The following THSD7B variants were observed in gnomAD, a reference collection of about 807,000 sequenced individuals.
THSD7B encodes the protein thrombospondin type 1 domain containing 7B.
A neutral mutation model predicts 213.6 loss-of-function variants in THSD7B; 138 were observed. The ratio of observed to expected loss-of-function variants is 0.65; its 90% confidence interval spans 0.56 to 0.74. The LOEUF (loss-of-function observed/expected upper bound fraction) is 0.74. Ranked by LOEUF, THSD7B falls within the 30% of genes least tolerant of loss-of-function variation. The probability of loss-of-function intolerance (pLI) is 0.00; values close to 1 mark genes in which losing one functional copy is unlikely to be tolerated. For synonymous variants in THSD7B, 742 were observed against 687.0 expected (o/e 1.08, Z -1.25); for missense variants, 1,931 against 1,991.5 (o/e 0.97, Z 0.58).
intron 12 of THSD7B, among the ~76,000 whole-genome samples, chr2:137,400,460 A>G (rs993269324): frequency 6.6e-6 from 1 of 152,086 alleles, no homozygotes; most frequent in Admixed American, 6.5e-5. Context: ...TTCTGGGTAC[A>G]TGTAGTGGCA....
intron 12 of THSD7B, among the ~76,000 whole-genome samples, chr2:137,371,185 A>T (rs2104949615): frequency 6.6e-6 from 1 of 152,190 alleles, no homozygotes; most frequent in Middle Eastern, 3.4e-3. Flanking sequence ...TCCCTTAAAC[A>T]TTATTCTGTC....
rs1266558495 is a variant in THSD7B, at chr2:136,834,903, T to C, written c.-35-47241T>C. 2.0e-5 allele frequency among the ~76,000 whole-genome samples: 3 copies of C among 152,220 alleles called. No homozygotes were observed. The East Asian group carries it at 5.8e-4, about 29-fold the overall frequency. Reference sequence around the variant, plus strand: ...ACAATAGAATGGTTTAAATAATTAATGAAATAAGGTTGGATGTAAATGTTC... The same window carrying C: ...ACAATAGAATGGTTTAAATAATTAACGAAATAAGGTTGGATGTAAATGTTC... On this transcript the variant is annotated intron_variant, in intron 1 of 27. Coordinates refer to ENST00000409968, the MANE Select transcript of THSD7B (RefSeq NM_001316349.2).
intron 1 of THSD7B, among the ~76,000 whole-genome samples, chr2:136,846,001 A>G (rs779481630): frequency 2.6e-5 from 4 of 152,146 alleles, no homozygotes; most frequent in African/African-American, 4.8e-5. Flanking sequence ...CACAGGGGGT[A>G]GTCGGTCATC....
intron 4 of THSD7B, among the ~76,000 whole-genome samples, chr2:137,109,885 A>G (rs1331943358): frequency 1.3e-5 from 2 of 151,876 alleles, no homozygotes; most frequent in African/African-American, 4.8e-5. Flanking sequence ...GTGGCTCTTG[A>G]CTACTCTTTA....
chr2:137,393,878 T>C (rs1686106810), intron 12 of THSD7B, among the ~76,000 whole-genome samples: 2 of 141,084 alleles, frequency 1.4e-5, no homozygotes, highest in Admixed American at 7.0e-5. Flanking sequence ...TGGTATCTCA[T>C]TGTGGTTTTG....
At chr2:137,455,370 C>A (rs150598549) in intron 15 of THSD7B, among the ~76,000 whole-genome samples, 1 of 152,148 alleles carries the variant, frequency 6.6e-6, no homozygotes, top group Non-Finnish European at 1.5e-5. Flanking sequence ...ATTATCATTG[C>A]CCAAAAAGTC....
chr2:137,624,406 A>G (rs1193664344), intron 20 of THSD7B, among the ~76,000 whole-genome samples: 1 of 152,226 alleles, frequency 6.6e-6, no homozygotes, highest in African/African-American at 2.4e-5. Context: ...ACCATTCAGG[A>G]CATAGGCATG....
At position 137,031,323 on chromosome 2, in the gene THSD7B, C is replaced by T. The variant is rs987724511; in HGVS notation, c.140-25097C>T. 9.9e-5 allele frequency among the ~76,000 whole-genome samples: 15 copies of T among 152,146 alleles called. No individual in the cohort carries two copies. In the East Asian group the frequency reaches 1.4e-3, roughly 14 times the overall value. On this transcript the variant is annotated intron_variant, in intron 2 of 27. Coordinates refer to ENST00000409968, the MANE Select transcript of THSD7B (RefSeq NM_001316349.2). Reference sequence around the variant, plus strand: ...TCATGCCACTGCACTCTAGCCTGGGCGACAGAGTGAGACTCTGTCTCTGAA... The same window carrying T: ...TCATGCCACTGCACTCTAGCCTGGGTGACAGAGTGAGACTCTGTCTCTGAA...
At chr2:137,248,399 C>T (rs1682091179) in intron 10 of THSD7B, among the ~76,000 whole-genome samples, 1 of 152,028 alleles carries the variant, frequency 6.6e-6, no homozygotes, top group African/African-American at 2.4e-5. Context: ...ACATGGTGGG[C>T]ATTTAGTAAT....
intron 2 of THSD7B, among the ~76,000 whole-genome samples, chr2:136,987,577 C>G (rs1685693099): frequency 6.6e-6 from 1 of 152,098 alleles, no homozygotes; most frequent in Non-Finnish European, 1.5e-5. Context: ...CAGAGAAGGG[C>G]CAGAATACTG....
chr2:136,861,279 A>G (rs952814189), intron 1 of THSD7B, among the ~76,000 whole-genome samples: 4 of 152,216 alleles, frequency 2.6e-5, no homozygotes, highest in African/African-American at 9.6e-5. Context: ...TTTGCCTTCT[A>G]TAATGATTTC....
rs142681291 is a variant in THSD7B at position 137,259,138 on chromosome 2, A to G, written c.2267-13395A>G. On this transcript the variant is annotated intron_variant, in intron 10 of 27. Coordinates refer to ENST00000409968, the MANE Select transcript of THSD7B (RefSeq NM_001316349.2). ...CTTTGGTAGTGTAAATAGTGCTGCA[A>G]TAAACATACATGTGCATGTATCTTT... 8.7e-3 allele frequency among the ~76,000 whole-genome samples: 1,332 copies of G among 152,286 alleles called. 28 individuals carry two copies. Among genetic ancestry groups the G allele is most frequent in the East Asian group, 0.07 (363 of 5,164 alleles).
At chr2:137,493,601 G>T (rs1679485518) in intron 15 of THSD7B, among the ~76,000 whole-genome samples, 1 of 152,160 alleles carries the variant, frequency 6.6e-6, no homozygotes, top group South Asian at 2.1e-4. Context: ...TGGTGGTAAA[G>T]GTTAGCTCGT....
At chr2:137,628,436 A>G (rs1053361975) in intron 20 of THSD7B, among the ~76,000 whole-genome samples, 1 of 152,138 alleles carries the variant, frequency 6.6e-6, no homozygotes, top group Non-Finnish European at 1.5e-5. Flanking sequence ...GCACTGGGGG[A>G]AAAAAGGCAA....
chr2:137,160,978 G>A (rs143538784), intron 6 of THSD7B, among the ~76,000 whole-genome samples: 25 of 152,150 alleles, frequency 1.6e-4, no homozygotes, highest in African/African-American at 5.1e-4. Flanking sequence ...TGATTTCCAC[G>A]CTCACATCTG....
At chr2:137,074,556 C>T (rs1166137986) in intron 3 of THSD7B, among the ~76,000 whole-genome samples, 3 of 152,154 alleles carry the variant, frequency 2.0e-5, no homozygotes, top group East Asian at 3.8e-4. Context: ...CAGTCTGTGT[C>T]TTTTAATTGG....
intron 7 of THSD7B, 22 bp downstream of exon 7, chr2:137,170,960 G>A (rs1328386851): frequency 1.2e-6 from 2 of 1,609,874 alleles, no homozygotes; most frequent in African/African-American, 1.3e-5. Context: ...TGACCCACTA[G>A]AGGTGTTAGG....
chr2:137,159,130 C>T (rs1360512992), intron 5 of THSD7B, among the ~76,000 whole-genome samples: 5 of 151,970 alleles, frequency 3.3e-5, no homozygotes, highest in Non-Finnish European at 7.4e-5. Flanking sequence ...TCTCATGGTG[C>T]CTAGAAAGAG....
At chr2:137,376,059 T>G (rs990034552) in intron 12 of THSD7B, among the ~76,000 whole-genome samples, 4 of 152,226 alleles carry the variant, frequency 2.6e-5, no homozygotes, top group Admixed American at 2.6e-4. Flanking sequence ...ATTGTGCTAA[T>G]TTATCGTTTC....
Sources: gnomAD v4.1 joint callset for allele counts (sites outside exome capture counted in the v4.1 genomes callset) on GRCh38, gnomAD v4.1.1 for gene constraint, MANE v1.5 for transcripts, NCBI Gene and HGNC (gene_info 2026-07-23, HGNC 2026-07-21) for gene names.